MCTP2: variants seen among roughly 807,000 people sequenced by gnomAD.
MCTP2 encodes the protein multiple C2 and transmembrane domain containing 2, also known as multiple C2 and transmembrane domain-containing protein 2.
In MCTP2, 132 loss-of-function variants were observed where a neutral mutation model predicts 111.6. The observed-to-expected ratio is 1.18, with a 90% CI of 1.03 to 1.37. The LOEUF is 1.37. MCTP2 is among the 40% of genes most tolerant of loss of function. The pLI is 0.00. For synonymous variants in MCTP2, 395 were observed against 387.7 expected (o/e 1.02, Z -0.22); for missense variants, 1,183 against 1,067.9 (o/e 1.11, Z -1.50).
At chr15:94,381,208 T>G (rs1373240518) in intron 12 of MCTP2, among the ~76,000 whole-genome samples, 2 of 152,240 alleles carry the variant, frequency 1.3e-5, no homozygotes, top group Non-Finnish European at 2.9e-5. Context: ...TATTTGTTAT[T>G]GAAATTTTAC....
At chr15:94,467,049 T>C (rs1596825011) in intron 20 of MCTP2, among the ~76,000 whole-genome samples, 2 of 152,196 alleles carry the variant, frequency 1.3e-5, no homozygotes, top group East Asian at 3.9e-4. Flanking sequence ...AGTGACTATA[T>C]GCCATATATC....
intron 14 of MCTP2, among the ~76,000 whole-genome samples, chr15:94,395,375 G>A (rs907287461): frequency 2.0e-5 from 3 of 152,142 alleles, no homozygotes; most frequent in Admixed American, 6.5e-5. Flanking sequence ...CTTTAGTTTG[G>A]ATTTTGATCT....
chr15:94,249,363 T>C (rs988909378), intron 1 of MCTP2, among the ~76,000 whole-genome samples: 1 of 152,224 alleles, frequency 6.6e-6, no homozygotes, highest in South Asian at 2.1e-4. Flanking sequence ...CTATAGGATC[T>C]ATGGTTCTGA....
At chr15:94,467,110 GTAAAGTAGA>G (rs2073409499) in intron 20 of MCTP2, among the ~76,000 whole-genome samples, 3 of 152,154 alleles carry the variant, frequency 2.0e-5, no homozygotes, top group Non-Finnish European at 1.5e-5. Flanking sequence ...CACCAACTCT[GTAAAGTAGA>G]TGCAGTTATT....
intron 1 of MCTP2, among the ~76,000 whole-genome samples, chr15:94,289,792 C>A (rs1433647907): frequency 6.6e-6 from 1 of 152,168 alleles, no homozygotes; most frequent in Non-Finnish European, 1.5e-5. Flanking sequence ...TACCCACATC[C>A]TTATCCCAGG....
intron 13 of MCTP2, among the ~76,000 whole-genome samples, chr15:94,384,800 A>C (rs1398046343): frequency 6.6e-6 from 1 of 152,242 alleles, no homozygotes; most frequent in Non-Finnish European, 1.5e-5. Flanking sequence ...AAAGTTCCCA[A>C]GGATCTATGA....
chr15:94,237,080 C>T (rs1027394786), intron 1 of MCTP2, among the ~76,000 whole-genome samples: 1 of 152,048 alleles, frequency 6.6e-6, no homozygotes, highest in African/African-American at 2.4e-5. Flanking sequence ...CCTTCATGGA[C>T]ACTGAGTCTG....
At chr15:94,345,792 A>C (rs1230788034) in intron 8 of MCTP2, among the ~76,000 whole-genome samples, 1 of 152,236 alleles carries the variant, frequency 6.6e-6, no homozygotes, top group East Asian at 1.9e-4. Context: ...AAAAATAAAC[A>C]CAGCAAAAAA....
intron 14 of MCTP2, among the ~76,000 whole-genome samples, chr15:94,386,867 G>T (rs969182904): frequency 6.6e-6 from 1 of 151,986 alleles, no homozygotes; most frequent in African/African-American, 2.4e-5. Context: ...TTGTGTGTTT[G>T]GTCTTTCTGT....
chr15:94,470,995 T>G (rs1228969125), intron 21 of MCTP2, among the ~76,000 whole-genome samples: 1 of 152,184 alleles, frequency 6.6e-6, no homozygotes, highest in African/African-American at 2.4e-5. Context: ...GGAAATGGTG[T>G]GCCTACATAA....
chr15:94,431,323 G>A (rs879282197), intron 17 of MCTP2, among the ~76,000 whole-genome samples: 2 of 152,190 alleles, frequency 1.3e-5, no homozygotes, highest in Admixed American at 6.5e-5. Context: ...CCTGAACATC[G>A]TTTTATATCT....
chr15:94,408,990 G>A (rs772725643), intron 17 of MCTP2, among the ~76,000 whole-genome samples: 1 of 152,158 alleles, frequency 6.6e-6, no homozygotes, highest in African/African-American at 2.4e-5. Context: ...TGCCTTCTCT[G>A]AATTTTCTTT....
chr15:94,392,168 G>A (rs1403815906), intron 14 of MCTP2, among the ~76,000 whole-genome samples: 1 of 151,986 alleles, frequency 6.6e-6, no homozygotes, highest in Non-Finnish European at 1.5e-5. Context: ...TTAGGAGATC[G>A]AGACTATACT....
At chr15:94,245,183 TAC>T (rs1204727707) in intron 1 of MCTP2, among the ~76,000 whole-genome samples, 11 of 144,428 alleles carry the variant, frequency 7.6e-5, no homozygotes, top group South Asian at 2.1e-4. Context: ...TATAGATTTA[TAC>T]ACACATATGT....
chr15:94,429,542 TTATC>T (rs2083065270), intron 17 of MCTP2, among the ~76,000 whole-genome samples: 1 of 152,170 alleles, frequency 6.6e-6, no homozygotes, highest in Non-Finnish European at 1.5e-5. Flanking sequence ...TTAAAATACT[TTATC>T]TATTTTCAAG....
intron 8 of MCTP2, among the ~76,000 whole-genome samples, chr15:94,346,190 A>G (rs563779275): frequency 2.0e-5 from 3 of 152,086 alleles, no homozygotes; most frequent in Admixed American, 6.5e-5. Flanking sequence ...TCACTTAAGA[A>G]GAAAGCAAAC....
intron 14 of MCTP2, among the ~76,000 whole-genome samples, chr15:94,386,981 A>C (rs759563832): frequency 1.2e-4 from 19 of 152,132 alleles, no homozygotes; most frequent in Non-Finnish European, 2.2e-4. Context: ...CCTAAAAAAA[A>C]GTCAAAGTGT....
chr15:94,315,914 T>G (rs1298970610), intron 4 of MCTP2, among the ~76,000 whole-genome samples: 1 of 152,246 alleles, frequency 6.6e-6, no homozygotes, highest in East Asian at 1.9e-4. Context: ...GCCTGGCCTA[T>G]GGCAACTGTT....
chr15:94,409,249 T>G (rs946850272), intron 17 of MCTP2, among the ~76,000 whole-genome samples: 1 of 152,156 alleles, frequency 6.6e-6, no homozygotes, highest in African/African-American at 2.4e-5. Context: ...CTTTCTCCCA[T>G]GCTGGTTGCC....
Sources: allele counts gnomAD v4.1 joint callset (sites outside exome capture counted in the v4.1 genomes callset), GRCh38; gene constraint gnomAD v4.1.1; transcripts MANE v1.5; gene names NCBI Gene and HGNC (gene_info 2026-07-23, HGNC 2026-07-21).